Variants in CDH4 observed in about 807,000 individuals in gnomAD.
CDH4 encodes cadherin-4.
A neutral mutation model predicts 86.0 loss-of-function variants in CDH4; 33 were observed. That is an observed-to-expected ratio of 0.38 (90% CI 0.29 to 0.51). The LOEUF (loss-of-function observed/expected upper bound fraction) is 0.51, where lower values mean the gene tolerates loss of function less well. Ranked by LOEUF, CDH4 falls within the 20% of genes least tolerant of loss-of-function variation. The pLI is 0.86. For missense variants in CDH4, 1,114 were observed against 1,307.4 expected (o/e 0.85, Z 2.28); for synonymous variants, 555 against 549.4 (o/e 1.01, Z -0.14).
At chr20:61,273,585 A>T (rs1261082247) in intron 2 of CDH4, among the ~76,000 whole-genome samples, 15 of 90,548 alleles carry the variant, frequency 1.7e-4, no homozygotes, top group African/African-American at 3.6e-4. Flanking sequence ...GGGAATACCG[A>T]GTGCAGTTTG....
intron 2 of CDH4, among the ~76,000 whole-genome samples, chr20:61,321,193 G>A (rs1027112009): frequency 1.3e-5 from 2 of 152,202 alleles, no homozygotes; most frequent in Admixed American, 1.3e-4. Context: ...CGTTGATTGA[G>A]GTCAGAGAGC....
chr20:61,819,933 G>A (rs1340446325), intron 4 of CDH4, among the ~76,000 whole-genome samples: 1 of 152,162 alleles, frequency 6.6e-6, no homozygotes, highest in East Asian at 1.9e-4. Context: ...ATCTGATCCC[G>A]CGACCTTGAG....
intron 7 of CDH4, among the ~76,000 whole-genome samples, chr20:61,875,480 G>A (rs1983983200): frequency 6.6e-6 from 1 of 152,236 alleles, no homozygotes; most frequent in African/African-American, 2.4e-5. Flanking sequence ...ACAGAAGGAT[G>A]ATGACAGCCT....
intron 2 of CDH4, among the ~76,000 whole-genome samples, chr20:61,529,480 G>A (rs761644221): frequency 4.6e-5 from 7 of 152,226 alleles, no homozygotes; most frequent in Non-Finnish European, 5.9e-5. Context: ...GCACAATCCT[G>A]GGGTGAATGT....
At position 61,807,773 on chromosome 20, in the gene CDH4, T is replaced by C. The variant is rs1980215510; in HGVS notation, c.576+34591T>C. Among the ~76,000 whole-genome samples, 1 of 152,126 alleles carries C rather than the reference T, an allele frequency of 6.6e-6. No homozygotes were observed. Among genetic ancestry groups the C allele is most frequent in the Admixed American group, 6.5e-5 (1 of 15,280 alleles). On this transcript the variant is annotated intron_variant, in intron 4 of 15. Transcript: ENST00000614565. This position sits in a 1 kb window ranked among gnomAD's most constrained non-coding sequence, Gnocchi z 4.5. ...GTAGGAGGCCCAGCTAGCTGGGAGT[T>C]CTGAAATATAGGAAGGGAAGTGATA...
At chr20:61,742,361 A>G (rs1363393092) in intron 2 of CDH4, among the ~76,000 whole-genome samples, 1 of 152,224 alleles carries the variant, frequency 6.6e-6, no homozygotes, top group Non-Finnish European at 1.5e-5. Context: ...AGGAGGTGCC[A>G]TTGGCTGGGA....
intron 2 of CDH4, among the ~76,000 whole-genome samples, chr20:61,739,361 G>C (rs555972721): frequency 6.6e-6 from 1 of 152,328 alleles, no homozygotes; most frequent in East Asian, 1.9e-4. Context: ...CCCTGACCAG[G>C]TGCCTGATGC....
intron 2 of CDH4, among the ~76,000 whole-genome samples, chr20:61,432,303 T>A (rs1014833212): frequency 2.0e-5 from 3 of 152,186 alleles, no homozygotes; most frequent in Admixed American, 1.3e-4. Flanking sequence ...CTCAGTGAGG[T>A]CAGTTCTTTA....
At chr20:61,298,163 G>C (rs995424148) in intron 2 of CDH4, among the ~76,000 whole-genome samples, 19 of 152,180 alleles carry the variant, frequency 1.2e-4, no homozygotes, top group Non-Finnish European at 2.9e-5. Context: ...AGCTGACCTG[G>C]CAGGGAGCCG....
chr20:61,491,698 G>A (rs2085626711), intron 2 of CDH4, among the ~76,000 whole-genome samples: 1 of 152,198 alleles, frequency 6.6e-6, no homozygotes, highest in Non-Finnish European at 1.5e-5. Context: ...TGTTGATGTT[G>A]ATGCTGGTGG....
In CDH4 at chr20:61,703,613, A is replaced by G. The variant is rs1025804219; in HGVS notation, c.170-39950A>G. Among the ~76,000 whole-genome samples the G allele has an allele frequency of 2.0e-5, 3 of 152,152 alleles. No homozygotes were observed. Among genetic ancestry groups the G allele is most frequent in the Non-Finnish European group, 4.4e-5 (3 of 68,030 alleles). On this transcript the variant is annotated intron_variant, in intron 2 of 15. Transcript: ENST00000614565. The surrounding 1 kb of genome is among the most constrained non-coding windows in gnomAD (Gnocchi z 4.3). ...CGTCGCACCTCTTCCCCGTGCCTGG[A>G]TGAATCTGCAAAGAGAGCGGGGATC...
intron 2 of CDH4, among the ~76,000 whole-genome samples, chr20:61,673,038 A>AT (rs1357397154): frequency 1.3e-5 from 2 of 152,076 alleles, no homozygotes; most frequent in Non-Finnish European, 2.9e-5. Context: ...AGAGAGAGAG[A>AT]TTGGAAGATG....
chr20:61,617,563 C>T (rs1366892568), intron 2 of CDH4, among the ~76,000 whole-genome samples: 3 of 152,218 alleles, frequency 2.0e-5, no homozygotes, highest in Admixed American at 6.5e-5. Flanking sequence ...AGCTGAGCTT[C>T]GTGCCCCTTC....
intron 4 of CDH4, among the ~76,000 whole-genome samples, chr20:61,791,004 G>C (rs1409796472): frequency 6.6e-6 from 1 of 152,170 alleles, no homozygotes; most frequent in Admixed American, 6.5e-5. Context: ...CATTGCTCCT[G>C]ACAGCAGCAG....
chr20:61,680,201 T>C (rs2087495351), intron 2 of CDH4, among the ~76,000 whole-genome samples: 1 of 152,184 alleles, frequency 6.6e-6, no homozygotes, highest in African/African-American at 2.4e-5. Flanking sequence ...CACCACCCCC[T>C]GCCCCTGTCC....
At chr20:61,856,175 G>A (rs962267600) in intron 6 of CDH4, among the ~76,000 whole-genome samples, 4 of 152,192 alleles carry the variant, frequency 2.6e-5, no homozygotes, top group Non-Finnish European at 5.9e-5. Context: ...AAAAACTACC[G>A]CCAGAAATTA....
At chr20:61,718,885 ACT>A (rs770982674) in intron 2 of CDH4, 16 of 470,942 alleles carry the variant, frequency 3.4e-5, no homozygotes, top group Middle Eastern at 3.2e-4. Flanking sequence ...TGGGGATGGA[ACT>A]CTCTGTCTGC....
At chr20:61,564,159 G>A (rs1427078729) in intron 2 of CDH4, among the ~76,000 whole-genome samples, 4 of 152,112 alleles carry the variant, frequency 2.6e-5, no homozygotes, top group South Asian at 2.1e-4. Flanking sequence ...CTAAATCCAG[G>A]ACAACCTCAT....
rs533893753 is a variant in CDH4 at position 61,803,314 on chromosome 20, G to A, written c.576+30132G>A. On this transcript the variant is annotated intron_variant, in intron 4 of 15. Coordinates refer to ENST00000614565, the MANE Select transcript of CDH4 (RefSeq NM_001794.5). ...CCAGGCAGAGAAGTGCGGCCAGAGA[G>A]GCTGTCCAACCCAATTTCCCCGGGC... 7.2e-5 allele frequency among the ~76,000 whole-genome samples: 11 copies of A among 152,314 alleles called. No homozygotes were observed. The South Asian group carries it at 2.3e-3, about 32-fold the overall frequency.
Sources: allele counts gnomAD v4.1 joint callset (sites outside exome capture counted in the v4.1 genomes callset), GRCh38; gene constraint gnomAD v4.1.1; non-coding constraint Gnocchi (gnomAD v3.1); transcripts MANE v1.5; gene names NCBI Gene and HGNC (gene_info 2026-07-23, HGNC 2026-07-21).